Variants in MAPK8IP3 observed in about 807,000 individuals in gnomAD.
MAPK8IP3 encodes C-Jun-amino-terminal kinase-interacting protein 3.
MAPK8IP3 carries 49 observed loss-of-function variants against 157.8 expected under a neutral mutation model. The observed-to-expected ratio is 0.31, with a 90% CI of 0.25 to 0.39. The LOEUF (loss-of-function observed/expected upper bound fraction) is 0.39. Among genes scored for constraint, MAPK8IP3 ranks in the 10% least tolerant of loss-of-function variants. The pLI, the probability that MAPK8IP3 is intolerant of heterozygous loss-of-function variation, is 1.00. For synonymous variants in MAPK8IP3, 897 were observed against 777.7 expected, an observed-to-expected ratio of 1.15 and a Z score of -2.55; for missense variants, 1,478 against 1,889.4, an observed-to-expected ratio of 0.78 and a Z score of 4.04.
At chr16:1,727,465 G>T (rs190536604) in intron 2 of MAPK8IP3, among the ~76,000 whole-genome samples, 3 of 152,036 alleles carry the variant, frequency 2.0e-5, no homozygotes, top group Admixed American at 2.0e-4. Flanking sequence ...TGTTGTGTGC[G>T]GTGTCTGTAC....
rs1402231779 is a variant in MAPK8IP3, at chr16:1,750,459, C to T, written c.1216+1739C>T. Among the ~76,000 whole-genome samples the T allele has an allele frequency of 5.3e-5, 8 of 152,214 alleles. No homozygotes were observed. The East Asian group carries it at 1.4e-3, about 26-fold the overall frequency. Reference sequence around the variant, plus strand: ...AACTCCTGACCTCCGGTGATCCACCCGCCTCAGGCTCCCAAAGTACTGGGA... The same window carrying T: ...AACTCCTGACCTCCGGTGATCCACCTGCCTCAGGCTCCCAAAGTACTGGGA... On this transcript the variant is annotated intron_variant, in intron 8 of 31. Coordinates refer to ENST00000610761, the MANE Select transcript of MAPK8IP3 (RefSeq NM_001318852.2).
rs541187354 is a variant in MAPK8IP3, at chr16:1,728,751, C to T, written c.440-387C>T. Among the ~76,000 whole-genome samples the T allele has an allele frequency of 1.0e-4, 15 of 147,944 alleles. No individual in the cohort carries two copies. The South Asian group carries it at 2.8e-3, about 27-fold the overall frequency. On this transcript the variant is annotated intron_variant, in intron 2 of 31. Coordinates refer to ENST00000610761, the MANE Select transcript of MAPK8IP3 (RefSeq NM_001318852.2). ...CCTCGCACAACGCACGCAGCAGCCC[C>T]CCAGACGGCCTTCACAGAGCTGAGT...
intron 4 of MAPK8IP3, among the ~76,000 whole-genome samples, chr16:1,730,985 C>T (rs1400651194): frequency 6.6e-6 from 1 of 150,694 alleles, no homozygotes; most frequent in African/African-American, 2.4e-5. Flanking sequence ...ACTAAAAATA[C>T]AAAAATTAGC....
chr16:1,768,193 C>T lies in MAPK8IP3; in HGVS notation c.3563-6C>T, dbSNP rs769889754. ...GGCTCAGCGCCTCTGGGTTCTCTCC[C>T]TGCAGCCAATAAGACATCCCCCACC... On this transcript the variant is annotated splice_region_variant and splice_polypyrimidine_tract_variant and intron_variant, in intron 29 of 31. Coordinates refer to ENST00000610761, the MANE Select transcript of MAPK8IP3 (RefSeq NM_001318852.2). The T allele has an allele frequency of 3.1e-6, 5 of 1,611,934 alleles. No homozygotes were observed. Among genetic ancestry groups the T allele is most frequent in the Middle Eastern group, 1.6e-4 (1 of 6,082 alleles).
chr16:1,740,187 TGTGA>T lies in MAPK8IP3; in HGVS notation c.603-3141_603-3138del, dbSNP rs369538697. ...GTGTGAGCATCTGTGTGACCGTTCG[TGTGA>T]GTGTGTGACCGTCCGTGTGAGCTTC... On this transcript the variant is annotated intron_variant, in intron 4 of 31. Transcript: ENST00000610761. Among the ~76,000 whole-genome samples the T allele has an allele frequency of 6.9e-3, 801 of 115,618 alleles. 49 individuals are homozygous for T. Among genetic ancestry groups the T allele is most frequent in the African/African-American group, 0.027 (754 of 28,202 alleles). The allele number at this position is 115,618 out of a possible 152,430, so 75.8% of individuals were successfully genotyped here. A position where few individuals can be genotyped will look rare whatever the true frequency, so the allele number is the denominator to read the frequency against.
rs1348907770 is a variant in MAPK8IP3, at chr16:1,742,384, C to A, written c.603-948C>A. On this transcript the variant is annotated intron_variant, in intron 4 of 31. Transcript: ENST00000610761. The surrounding 1 kb of genome is among the most constrained non-coding windows in gnomAD (Gnocchi z 5.0). ...GCTCCCAGGCGCTCCCACTGTCTTG[C>A]CAGGCTGTCCGAGGCCAGGCTGTCC... 6.6e-6 allele frequency among the ~76,000 whole-genome samples: 1 copy of A among 152,170 alleles called. No individual in the cohort carries two copies. Among genetic ancestry groups the A allele is most frequent in the Non-Finnish European group, 1.5e-5 (1 of 68,016 alleles).
chr16:1,768,966 C>T lies in MAPK8IP3; in HGVS notation c.*142C>T, dbSNP rs1408311862. The stretch of plus-strand genomic sequence containing the variant: ...AGCTTTCACCTGAGTCTGGCCCCTC[C>T]AGCGGGCAGGGAGTGCGGGGATGCG... On this transcript the variant is annotated 3_prime_UTR_variant, in exon 32 of 32. Transcript: ENST00000610761. The T allele has an allele frequency of 4.1e-6, 4 of 986,774 alleles. No homozygotes were observed. Among genetic ancestry groups the T allele is most frequent in the Non-Finnish European group, 3.0e-6 (2 of 674,994 alleles). 61.1% of individuals were successfully genotyped at this position (986,774 alleles called of 1,614,324 possible). A position where few individuals can be genotyped will look rare whatever the true frequency, so the allele number is the denominator to read the frequency against.
intron 4 of MAPK8IP3, among the ~76,000 whole-genome samples, chr16:1,736,055 CGTCCGTGTGTGTG>C (rs2039750080): frequency 1.5e-5 from 1 of 67,866 alleles, no homozygotes; most frequent in Non-Finnish European, 2.6e-5. Context: ...AGCGTGTGAC[CGTCCGTGTGTGTG>C]ACCATCCGTG....
intron 12 of MAPK8IP3, 23 bp downstream of exon 12, chr16:1,760,555 T>A: frequency 6.2e-7 from 1 of 1,601,870 alleles, no homozygotes; most frequent in South Asian, 1.1e-5. Context: ...CATGGAAAGC[T>A]GGTCAGAGAG....
chr16:1,760,650 C>A (rs1284036477), intron 12 of MAPK8IP3, 118 bp downstream of exon 12: 1 of 1,276,746 alleles, frequency 7.8e-7, no homozygotes. Context: ...AGCCTACCTA[C>A]CTCCAGCTCC....
In MAPK8IP3 at chr16:1,706,784, C is replaced by T. The variant is rs2037417034; in HGVS notation, c.318+127C>T. Reference sequence around the variant, plus strand: ...ACCCCGGACCGCGGGACCCCTGGACCCCCAGACCCCGCCCCGAGACCCGCC... The same window carrying T: ...ACCCCGGACCGCGGGACCCCTGGACTCCCAGACCCCGCCCCGAGACCCGCC... On this transcript the variant is annotated intron_variant, in intron 1 of 31. Transcript: ENST00000610761. This position sits in a 1 kb window ranked among gnomAD's most constrained non-coding sequence, Gnocchi z 5.1. The T allele has an allele frequency of 5.7e-6, 6 of 1,060,866 alleles. No individual in the cohort carries two copies. The highest frequency in any genetic ancestry group is 3.2e-4 in the Middle Eastern group (1 of 3,170). 65.7% of individuals were successfully genotyped at this position (1,060,866 alleles called of 1,614,324 possible).
rs543076508 is a variant in MAPK8IP3 at position 1,768,547 on chromosome 16, T to C, written c.3813T>C (p.Pro1271=). 33 of 1,566,926 alleles carry C rather than the reference T, an allele frequency of 2.1e-5. No homozygotes were observed. The highest frequency in any genetic ancestry group is 1.7e-4 in the Admixed American group (9 of 52,408). Residue 1271 remains proline (P), a synonymous_variant, in exon 31 of 32, where the codon CCT becomes CCC. Coordinates refer to ENST00000610761, the MANE Select transcript of MAPK8IP3 (RefSeq NM_001318852.2). ...SPAEGPGPAA[P]ASEVEGQKLR... ...CCGAGGGCCCTGGGCCAGCTGCCCC[T>C]GCCTCGGAGGTCGAGGGCCAGAAGC...
intron 20 of MAPK8IP3, 28 bp from the exon 21 acceptor site, chr16:1,765,932 C>A: frequency 6.3e-7 from 1 of 1,589,780 alleles, no homozygotes. Flanking sequence ...TTCCCCCGCA[C>A]AGGCTGACGG....
At chr16:1,756,623 A>ACACACAC (rs2041613091) in intron 8 of MAPK8IP3, among the ~76,000 whole-genome samples, 2 of 135,606 alleles carry the variant, frequency 1.5e-5, no homozygotes, top group Non-Finnish European at 3.2e-5. Context: ...TTTTTACTAA[A>ACACACAC]ACACACACAC....
rs535069255 is a variant in MAPK8IP3 at position 1,738,398 on chromosome 16, G to A, written c.603-4934G>A. ...CATCCATGTGAGCATCCGTGTGACC[G>A]TGTGAGCGTCCGTGTGAGCGTGTGA... On this transcript the variant is annotated intron_variant, in intron 4 of 31. Coordinates refer to ENST00000610761, the MANE Select transcript of MAPK8IP3 (RefSeq NM_001318852.2). Among the ~76,000 whole-genome samples, 4 of 103,580 alleles carry A rather than the reference G, an allele frequency of 3.9e-5. No individual in the cohort carries two copies. In the South Asian group the frequency reaches 1.5e-3, roughly 40 times the overall value. 68.0% of individuals were successfully genotyped at this position (103,580 alleles called of 152,430 possible). A position where few individuals can be genotyped will look rare whatever the true frequency, so the allele number is the denominator to read the frequency against.
intron 16 of MAPK8IP3, 152 bp downstream of exon 16, chr16:1,763,158 C>A: frequency 2.1e-6 from 2 of 975,434 alleles, no homozygotes; most frequent in Non-Finnish European, 3.0e-6. Context: ...TCCCTGCACA[C>A]TGCCTGCCCC....
intron 12 of MAPK8IP3, 65 bp from the exon 13 acceptor site, chr16:1,761,159 C>G: frequency 7.5e-7 from 1 of 1,326,308 alleles, no homozygotes; most frequent in Non-Finnish European, 1.1e-6. Flanking sequence ...CGGGCACTGC[C>G]CGCTATGTGT....
chr16:1,758,086 G>C (rs1596753265), intron 8 of MAPK8IP3, 62 bp from the exon 9 acceptor site: 1 of 1,565,914 alleles, frequency 6.4e-7, no homozygotes, highest in Non-Finnish European at 8.8e-7. Context: ...GTTAGTTCCA[G>C]TCCCTAATTG....
chr16:1,768,678 C>T (rs751096483), intron 31 of MAPK8IP3, 25 bp from the exon 32 acceptor site: 4 of 1,611,408 alleles, frequency 2.5e-6, no homozygotes, highest in South Asian at 2.2e-5. Flanking sequence ...GGAGCCTGGC[C>T]GTCACTCTGC....
Sources: allele counts gnomAD v4.1 joint callset (sites outside exome capture counted in the v4.1 genomes callset), GRCh38; gene constraint gnomAD v4.1.1; non-coding constraint Gnocchi (gnomAD v3.1); transcripts MANE v1.5; gene names NCBI Gene and HGNC (gene_info 2026-07-23, HGNC 2026-07-21).